The following CCDC90B variants were observed in gnomAD, a reference collection of about 807,000 sequenced individuals.
CCDC90B encodes coiled-coil domain containing 90B.
CCDC90B carries 24 observed loss-of-function variants against 37.0 expected under a neutral mutation model. The ratio of observed to expected loss-of-function variants is 0.65; its 90% CI spans 0.47 to 0.91. The LOEUF (loss-of-function observed/expected upper bound fraction) is 0.91, where lower values mean the gene tolerates loss of function less well. CCDC90B is among the 40% of genes least tolerant of loss of function. The probability of loss-of-function intolerance (pLI) is 0.00; values close to 1 mark genes in which losing one functional copy is unlikely to be tolerated. For synonymous variants in CCDC90B, 113 were observed against 101.1 expected (o/e 1.12, Z -0.71); for missense variants, 319 against 299.0 (o/e 1.07, Z -0.49).
At position 83,259,258 on chromosome 11, in the gene CCDC90B, G is replaced by A. The variant is rs540974304; in HGVS notation, c.*2653C>T. The A allele has an allele frequency of 3.9e-5, 6 of 152,116 alleles. No individual in the cohort carries two copies. The highest frequency in any genetic ancestry group is 8.8e-5 in the Non-Finnish European group (6 of 68,028). 9.4% of individuals were successfully genotyped at this position (152,116 alleles called of 1,614,324 possible). A position where few individuals can be genotyped will look rare whatever the true frequency, so the allele number is the denominator to read the frequency against. ...TAGAGGTATAGTTTTAAGGCATATA[G>A]AAACACAATCCTCTCATCCTTATTT... On this transcript the variant is annotated 3_prime_UTR_variant, in exon 9 of 9. Coordinates refer to ENST00000529689, the MANE Select transcript of CCDC90B (RefSeq NM_021825.5).
intron 8 of CCDC90B, among the ~76,000 whole-genome samples, chr11:83,264,598 C>G (rs1018595792): frequency 6.6e-6 from 1 of 152,088 alleles, no homozygotes; most frequent in Non-Finnish European, 1.5e-5. Context: ...TGAGGGTAAC[C>G]CGACCTTTTT....
intron 4 of CCDC90B, 145 bp from the exon 5 acceptor site, chr11:83,274,137 A>T (rs112661777): frequency 1.7e-5 from 8 of 475,822 alleles, no homozygotes; most frequent in African/African-American, 1.0e-4. Context: ...CTTCAAAAGA[A>T]ACTAGTAAGC....
Position 83,261,728 on chromosome 11 carries a change from T to A in CCDC90B, c.*183A>T. ...ATATAATAAAGACACACACCTGCAC[T>A]CACACACACACAATAAAGACACAGT... On this transcript the variant is annotated 3_prime_UTR_variant, in exon 9 of 9. Transcript: ENST00000529689. 2.2e-6 allele frequency: 1 copy of A among 461,464 alleles called. No individual in the cohort carries two copies. The highest frequency in any genetic ancestry group is 3.9e-6 in the Non-Finnish European group (1 of 257,912). 28.6% of individuals were successfully genotyped at this position (461,464 alleles called of 1,614,324 possible). A position where few individuals can be genotyped will look rare whatever the true frequency, so the allele number is the denominator to read the frequency against.
intron 7 of CCDC90B, among the ~76,000 whole-genome samples, chr11:83,271,549 C>G (rs1455963977): frequency 2.0e-5 from 3 of 152,090 alleles, no homozygotes; most frequent in Admixed American, 1.3e-4. Flanking sequence ...GAAATGCAAA[C>G]CAAAACCACA....
At chr11:83,278,430 G>A (rs1481658193) in intron 3 of CCDC90B, among the ~76,000 whole-genome samples, 1 of 152,138 alleles carries the variant, frequency 6.6e-6, no homozygotes, top group African/African-American at 2.4e-5. Flanking sequence ...GCTTTCTAGA[G>A]GGAAAAAGTT....
At chr11:83,268,351 G>A (rs1466875761) in intron 7 of CCDC90B, among the ~76,000 whole-genome samples, 1 of 151,848 alleles carries the variant, frequency 6.6e-6, no homozygotes, top group African/African-American at 2.4e-5. Context: ...CTGTACTGAG[G>A]AGACCCATCT....
intron 7 of CCDC90B, among the ~76,000 whole-genome samples, chr11:83,269,958 C>T (rs1353543236): frequency 1.3e-5 from 2 of 152,146 alleles, no homozygotes; most frequent in African/African-American, 2.4e-5. Context: ...TTATCCACCA[C>T]GATCAAGTCG....
At chr11:83,268,700 G>A (rs768454828) in intron 7 of CCDC90B, among the ~76,000 whole-genome samples, 4 of 152,100 alleles carry the variant, frequency 2.6e-5, no homozygotes, top group Admixed American at 6.5e-5. Context: ...ATAGATCAAC[G>A]AGACAGAAGG....
At chr11:83,264,756 C>T (rs948076157) in intron 8 of CCDC90B, among the ~76,000 whole-genome samples, 2 of 151,900 alleles carry the variant, frequency 1.3e-5, no homozygotes. Context: ...GGCACATATA[C>T]ACCATGGAAT....
chr11:83,260,579 T>G lies in CCDC90B; in HGVS notation c.*1332A>C, dbSNP rs1051797053. 4 of 152,194 alleles carry G rather than the reference T, an allele frequency of 2.6e-5. No homozygotes were observed. Among genetic ancestry groups the G allele is most frequent in the Non-Finnish European group, 5.9e-5 (4 of 68,030 alleles). The allele number at this position is 152,194 out of a possible 1,614,324, so 9.4% of individuals were successfully genotyped here. A position where few individuals can be genotyped will look rare whatever the true frequency, so the allele number is the denominator to read the frequency against. On this transcript the variant is annotated 3_prime_UTR_variant, in exon 9 of 9. Transcript: ENST00000529689. ...TCACTGGACCATATGGACCAATCTCTTGACTGCTCTATACTGCAGATTCCC... is the reference window on the plus strand; with the variant it reads ...TCACTGGACCATATGGACCAATCTCGTGACTGCTCTATACTGCAGATTCCC...
At chr11:83,272,563 T>G (rs1864745672) in intron 7 of CCDC90B, among the ~76,000 whole-genome samples, 1 of 152,014 alleles carries the variant, frequency 6.6e-6, no homozygotes, top group Non-Finnish European at 1.5e-5. Context: ...ATAAATAACC[T>G]GATGGGTAAC....
At chr11:83,268,247 C>T (rs985837861) in intron 7 of CCDC90B, among the ~76,000 whole-genome samples, 1 of 152,146 alleles carries the variant, frequency 6.6e-6, no homozygotes, top group Non-Finnish European at 1.5e-5. Flanking sequence ...CAAATTCACA[C>T]ATAACAATAT....
At chr11:83,283,185 T>C (rs1865493885) in intron 1 of CCDC90B, among the ~76,000 whole-genome samples, 2 of 152,234 alleles carry the variant, frequency 1.3e-5, no homozygotes, top group African/African-American at 2.4e-5. Flanking sequence ...CCATAGATAC[T>C]TGCTGAATGA....
At chr11:83,263,501 T>A (rs1864055102) in intron 8 of CCDC90B, among the ~76,000 whole-genome samples, 1 of 152,222 alleles carries the variant, frequency 6.6e-6, no homozygotes, top group Admixed American at 6.5e-5. Flanking sequence ...ATATGCCTGG[T>A]ACATTTTAAG....
At chr11:83,263,387 C>A (rs1184364143) in intron 8 of CCDC90B, among the ~76,000 whole-genome samples, 1 of 151,958 alleles carries the variant, frequency 6.6e-6, no homozygotes, top group Non-Finnish European at 1.5e-5. Context: ...GTTGCAGTAA[C>A]AACAACAATT....
At chr11:83,273,590 G>T in intron 7 of CCDC90B, 57 bp downstream of exon 7, 1 of 1,289,960 alleles carries the variant, frequency 7.8e-7, no homozygotes, top group Non-Finnish European at 1.1e-6. Context: ...ACACATAAAA[G>T]CAGTTATACA....
At position 83,259,577 on chromosome 11, in the gene CCDC90B, G is replaced by A. The variant is rs924567259; in HGVS notation, c.*2334C>T. 5.3e-5 allele frequency: 8 copies of A among 151,882 alleles called. No individual in the cohort carries two copies. Among genetic ancestry groups the A allele is most frequent in the Non-Finnish European group, 8.8e-5 (6 of 67,886 alleles). The allele number at this position is 151,882 out of a possible 1,614,324, so 9.4% of individuals were successfully genotyped here. A position where few individuals can be genotyped will look rare whatever the true frequency, so the allele number is the denominator to read the frequency against. ...ATACCTCCTTTCCATTCTGGGTTGT[G>A]AATATAACTAAGATGAAGAATGAAT... On this transcript the variant is annotated 3_prime_UTR_variant, in exon 9 of 9. Coordinates refer to ENST00000529689, the MANE Select transcript of CCDC90B (RefSeq NM_021825.5).
intron 3 of CCDC90B, among the ~76,000 whole-genome samples, chr11:83,277,130 C>G (rs1865084355): frequency 6.6e-6 from 1 of 152,168 alleles, no homozygotes. Context: ...AGTGATATTT[C>G]TATACTCAAT....
At position 83,259,841 on chromosome 11, in the gene CCDC90B, G is replaced by C. The variant is rs1863850271; in HGVS notation, c.*2070C>G. ...CACTGTGCTCAGCAAGAGAATATGGGTTTCATCTTAAGGCCAGTAAGCTTC... is the reference window on the plus strand; with the variant it reads ...CACTGTGCTCAGCAAGAGAATATGGCTTTCATCTTAAGGCCAGTAAGCTTC... On this transcript the variant is annotated 3_prime_UTR_variant, in exon 9 of 9. Transcript: ENST00000529689. The C allele has an allele frequency of 6.6e-6, 1 of 152,210 alleles. No individual in the cohort carries two copies. The highest frequency in any genetic ancestry group is 2.1e-4 in the South Asian group (1 of 4,834). 9.4% of individuals were successfully genotyped at this position (152,210 alleles called of 1,614,324 possible).
Sources: allele counts gnomAD v4.1 joint callset (sites outside exome capture counted in the v4.1 genomes callset), GRCh38; gene constraint gnomAD v4.1.1; transcripts MANE v1.5; gene names NCBI Gene and HGNC (gene_info 2026-07-23, HGNC 2026-07-21).